The following ATP8B1 variants were observed in gnomAD, a reference collection of about 807,000 sequenced individuals.
ATP8B1 encodes phospholipid-transporting ATPase IC.
ATP8B1 carries 80 observed loss-of-function variants against 149.9 expected under a neutral mutation model. The ratio of observed to expected loss-of-function variants is 0.53; its 90% confidence interval spans 0.45 to 0.64. The LOEUF (loss-of-function observed/expected upper bound fraction) is 0.64. Among genes scored for constraint, ATP8B1 ranks in the 30% least tolerant of loss-of-function variants. The probability of loss-of-function intolerance (pLI) is 0.00; values close to 1 mark genes in which losing one functional copy is unlikely to be tolerated. For missense variants in ATP8B1, 1,247 were observed against 1,552.6 expected, an observed-to-expected ratio of 0.80 and a Z score of 3.31; for synonymous variants, 536 against 562.8, an observed-to-expected ratio of 0.95 and a Z score of 0.67.
chr18:57,728,994 A>G (rs567927973), intron 2 of ATP8B1, among the ~76,000 whole-genome samples: 9 of 152,052 alleles, frequency 5.9e-5, no homozygotes, highest in Non-Finnish European at 1.0e-4. Flanking sequence ...TGCTGGGATT[A>G]CAGGCATGAG....
At chr18:57,794,484 A>C (rs1306134299) in intron 1 of ATP8B1, among the ~76,000 whole-genome samples, 3 of 142,946 alleles carry the variant, frequency 2.1e-5, no homozygotes, top group African/African-American at 7.9e-5. Flanking sequence ...AAAAAAAAAA[A>C]AGTCAATTCT....
intron 1 of ATP8B1, among the ~76,000 whole-genome samples, chr18:57,765,922 AGATC>A: frequency 6.6e-6 from 1 of 151,364 alleles, no homozygotes; most frequent in East Asian, 2.0e-4. Context: ...CAGTGAGCTG[AGATC>A]ATGCTATTGC....
intron 21 of ATP8B1, among the ~76,000 whole-genome samples, chr18:57,661,696 C>CACATATATAT (rs775312497): frequency 3.3e-5 from 3 of 90,400 alleles, no homozygotes; most frequent in African/African-American, 1.2e-4. Flanking sequence ...CACACACACA[C>CACATATATAT]ATATATATAT....
intron 1 of ATP8B1, chr18:57,735,066 G>A (rs2079833555): frequency 6.6e-6 from 1 of 152,314 alleles, no homozygotes; most frequent in African/African-American, 2.4e-5. Context: ...CCAGGCATTG[G>A]AGCCAGCAAG....
intron 1 of ATP8B1, among the ~76,000 whole-genome samples, chr18:57,801,005 G>A (rs1599254971): frequency 6.6e-6 from 1 of 151,912 alleles, no homozygotes. Flanking sequence ...TTCTTTTTGC[G>A]AAGCCATTTG....
At chr18:57,793,345 A>T (rs1746337869) in intron 1 of ATP8B1, among the ~76,000 whole-genome samples, 2 of 151,976 alleles carry the variant, frequency 1.3e-5, no homozygotes, top group African/African-American at 4.8e-5. Flanking sequence ...CTGACATCTC[A>T]GCCCCACAGC....
intron 2 of ATP8B1, among the ~76,000 whole-genome samples, chr18:57,730,065 G>A (rs1292417260): frequency 6.6e-6 from 1 of 152,026 alleles, no homozygotes; most frequent in African/African-American, 2.4e-5. Flanking sequence ...TGGGGCTCGC[G>A]GGGTGCATGC....
In ATP8B1 at chr18:57,688,323, A is replaced by C. The variant is rs1912359525; in HGVS notation, c.1405T>G (p.Cys469Gly). ...CCATATATCTGCCCGTTGATACAGCACTTTTTAAAGGTCATGATATTTTGT... is the reference window on the plus strand; with the variant it reads ...CCATATATCTGCCCGTTGATACAGCCCTTTTTAAAGGTCATGATATTTTGT... ...LTQNIMTFKK[C>G]CINGQIYGDH... The change falls in exon 13 of 28, where the codon TGC becomes GGC. Residue 469 changes from cysteine to glycine, a missense_variant. Physicochemically the swap from Cys to Gly is radical, Grantham distance 159. Coordinates refer to ENST00000648908, the MANE Select transcript of ATP8B1 (RefSeq NM_001374385.1). 8 of 1,614,020 alleles carry C rather than the reference A, an allele frequency of 5.0e-6. No homozygotes were observed. The highest frequency in any genetic ancestry group is 6.8e-6 in the Non-Finnish European group (8 of 1,180,020).
chr18:57,713,209 T>TC (rs1913799434), intron 2 of ATP8B1, among the ~76,000 whole-genome samples: 2 of 125,338 alleles, frequency 1.6e-5, no homozygotes, highest in African/African-American at 3.2e-5. Flanking sequence ...CCTTCCTTCC[T>TC]TCCTTCCTTC....
chr18:57,667,628 A>C (rs997849920), intron 19 of ATP8B1: 1 of 201,368 alleles, frequency 5.0e-6, no homozygotes, highest in African/African-American at 2.4e-5. Context: ...AAATGTTTTC[A>C]ATAATAAAAT....
intron 15 of ATP8B1, among the ~76,000 whole-genome samples, chr18:57,677,074 A>G (rs1381857124): frequency 2.0e-5 from 3 of 152,334 alleles, no homozygotes; most frequent in East Asian, 1.9e-4. Flanking sequence ...TACACAAAAG[A>G]GTACATATGC....
intron 1 of ATP8B1, among the ~76,000 whole-genome samples, chr18:57,787,915 C>T (rs1160580675): frequency 1.3e-5 from 2 of 152,100 alleles, no homozygotes; most frequent in Admixed American, 6.5e-5. Flanking sequence ...GAATATTAGT[C>T]CCAGCCACTT....
chr18:57,653,608 T>A (rs1302083552), intron 24 of ATP8B1, among the ~76,000 whole-genome samples: 1 of 151,512 alleles, frequency 6.6e-6, no homozygotes, highest in Non-Finnish European at 1.5e-5. Context: ...CATAGTAAGC[T>A]CTTACTGTCT....
chr18:57,702,871 AAAGAG>A (rs1367974243), intron 4 of ATP8B1, among the ~76,000 whole-genome samples: 13 of 151,940 alleles, frequency 8.6e-5, no homozygotes, highest in East Asian at 1.9e-4. Flanking sequence ...AAAAAAAAAA[AAAGAG>A]AGAGAGAAGA....
intron 1 of ATP8B1, among the ~76,000 whole-genome samples, chr18:57,743,794 G>T (rs1375657199): frequency 6.6e-6 from 1 of 152,154 alleles, no homozygotes; most frequent in Non-Finnish European, 1.5e-5. Context: ...CCCATGGAAG[G>T]TGTCTGCAAA....
Position 57,770,698 on chromosome 18 carries a change from A to G in ATP8B1, c.-26+32300T>C, listed in dbSNP as rs533104690. Reference sequence around the variant, plus strand: ...TACCCCTTGGGGGCAAACCACACGCAGGGGACAGGTATACTGGGGCTTGCC... The same window carrying G: ...TACCCCTTGGGGGCAAACCACACGCGGGGGACAGGTATACTGGGGCTTGCC... On this transcript the variant is annotated intron_variant, in intron 1 of 27. Transcript: ENST00000648908. 5.9e-5 allele frequency among the ~76,000 whole-genome samples: 9 copies of G among 152,370 alleles called. No homozygotes were observed. In the East Asian group the frequency reaches 1.7e-3, roughly 29 times the overall value.
chr18:57,708,552 T>G (rs1254363472), intron 2 of ATP8B1: 1 of 152,236 alleles, frequency 6.6e-6, no homozygotes, highest in Admixed American at 6.5e-5. Flanking sequence ...ATGGTTTACT[T>G]TAGCACACAG....
chr18:57,674,724 GGAGC>G, intron 16 of ATP8B1, 106 bp downstream of exon 16: 1 of 1,282,946 alleles, frequency 7.8e-7, no homozygotes, highest in East Asian at 2.4e-5. Flanking sequence ...AAATCTCCCA[GGAGC>G]CAAGTAGCTC....
At chr18:57,726,693 A>G (rs951975162) in intron 2 of ATP8B1, among the ~76,000 whole-genome samples, 2 of 152,236 alleles carry the variant, frequency 1.3e-5, no homozygotes, top group Admixed American at 6.5e-5. Context: ...TTAGGTTTCC[A>G]TGAGCAAGAG....
Sources: allele counts gnomAD v4.1 joint callset (sites outside exome capture counted in the v4.1 genomes callset), GRCh38; gene constraint gnomAD v4.1.1; transcripts MANE v1.5; gene names NCBI Gene and HGNC (gene_info 2026-07-23, HGNC 2026-07-21).